Variants in ZNF562 observed in about 807,000 individuals in gnomAD.
ZNF562 encodes zinc finger protein 562.
A neutral mutation model predicts 17.5 loss-of-function variants in ZNF562; 13 were observed. That is an observed-to-expected ratio of 0.74 (90% CI 0.48 to 1.18). The LOEUF (loss-of-function observed/expected upper bound fraction) is 1.18. Ranked by LOEUF, ZNF562 falls within the 50% of genes most tolerant of loss-of-function variation. The pLI is 0.00. For missense variants in ZNF562, 481 were observed against 498.5 expected (o/e 0.96, Z 0.33); for synonymous variants, 163 against 165.4 (o/e 0.99, Z 0.11).
At position 9,647,803 on chromosome 19, in the gene ZNF562, A is replaced by G. The variant is rs971973240; in HGVS notation, c.*5146T>C. The G allele has an allele frequency of 2.0e-5, 3 of 152,230 alleles. No homozygotes were observed. Among genetic ancestry groups the G allele is most frequent in the East Asian group, 3.8e-4 (2 of 5,208 alleles). The allele number at this position is 152,230 out of a possible 1,614,324, so 9.4% of individuals were successfully genotyped here. On this transcript the variant is annotated 3_prime_UTR_variant, in exon 6 of 6. Coordinates refer to ENST00000453372, the MANE Select transcript of ZNF562 (RefSeq NM_001130031.2). ...GAGGTGGAATTTGCAGTAAGTTGAG[A>G]TCACACCATTGCACTCCAGCCTGGG...
chr19:9,673,382 G>A (rs2044274228), intron 1 of ZNF562, among the ~76,000 whole-genome samples: 1 of 152,018 alleles, frequency 6.6e-6, no homozygotes, highest in Non-Finnish European at 1.5e-5. Context: ...CCTGAGTGCT[G>A]GTTTCACTTT....
chr19:9,666,445 T>C (rs2043964187), intron 1 of ZNF562, among the ~76,000 whole-genome samples: 1 of 150,602 alleles, frequency 6.6e-6, no homozygotes, highest in South Asian at 2.1e-4. Flanking sequence ...AACACATACA[T>C]CAAAAAAGTA....
In ZNF562 at chr19:9,646,350, A is replaced by G. The variant is rs977956398; in HGVS notation, c.*6599T>C. On this transcript the variant is annotated 3_prime_UTR_variant, in exon 6 of 6. Coordinates refer to ENST00000453372, the MANE Select transcript of ZNF562 (RefSeq NM_001130031.2). ...CTCCCAAAGTGCTGTGATTACAGACATCAGCCACTATGCCCAGCGGTATAC... is the reference window on the plus strand; with the variant it reads ...CTCCCAAAGTGCTGTGATTACAGACGTCAGCCACTATGCCCAGCGGTATAC... 3.3e-5 allele frequency: 5 copies of G among 152,088 alleles called. No individual in the cohort carries two copies. The highest frequency in any genetic ancestry group is 3.3e-4 in the Admixed American group (5 of 15,276). 9.4% of individuals were successfully genotyped at this position (152,088 alleles called of 1,614,324 possible).
chr19:9,654,970 C>A (rs2043407462), intron 5 of ZNF562, among the ~76,000 whole-genome samples: 1 of 150,888 alleles, frequency 6.6e-6, no homozygotes, highest in Non-Finnish European at 1.5e-5. Flanking sequence ...TCTAATTGTT[C>A]AAAAAAAAAC....
At position 9,649,956 on chromosome 19, in the gene ZNF562, T is replaced by C. The variant is rs568382118; in HGVS notation, c.*2993A>G. ...CTGCCCCGGACACCCAGCTTTAAAA[T>C]TTCTCTCTTTTGTACTCTGTCCCTT... On this transcript the variant is annotated 3_prime_UTR_variant, in exon 6 of 6. Coordinates refer to ENST00000453372, the MANE Select transcript of ZNF562 (RefSeq NM_001130031.2). 6.6e-6 allele frequency: 1 copy of C among 152,258 alleles called. No homozygotes were observed. The highest frequency in any genetic ancestry group is 1.9e-4 in the East Asian group (1 of 5,182). The allele number at this position is 152,258 out of a possible 1,614,324, so 9.4% of individuals were successfully genotyped here. A position where few individuals can be genotyped will look rare whatever the true frequency, so the allele number is the denominator to read the frequency against.
At position 9,649,550 on chromosome 19, in the gene ZNF562, C is replaced by T. The variant is rs894985222; in HGVS notation, c.*3399G>A. 5 of 152,150 alleles carry T rather than the reference C, an allele frequency of 3.3e-5. No individual in the cohort carries two copies. Among genetic ancestry groups the T allele is most frequent in the Non-Finnish European group, 5.9e-5 (4 of 68,022 alleles). 9.4% of individuals were successfully genotyped at this position (152,150 alleles called of 1,614,324 possible). ...GGAGTGGGTCTCTGAACTGGCCCCC[C>T]TGGGTGTAGCCATCTCTTATGGTCG... On this transcript the variant is annotated 3_prime_UTR_variant, in exon 6 of 6. Coordinates refer to ENST00000453372, the MANE Select transcript of ZNF562 (RefSeq NM_001130031.2).
In ZNF562 at chr19:9,669,709, C is replaced by T. The variant is rs571525180; in HGVS notation, c.-131+5306G>A. ...AACTGGCAAGACCTGTCTGCATGCA[C>T]GCGCGCGAGCGCGCGCGCGCGCGCG... On this transcript the variant is annotated intron_variant, in intron 1 of 5. Transcript: ENST00000453372. Among the ~76,000 whole-genome samples the T allele has an allele frequency of 1.8e-3, 146 of 81,336 alleles. 2 individuals are homozygous for T. In the South Asian group the frequency reaches 0.028, roughly 15 times the overall value. The allele number at this position is 81,336 out of a possible 152,430, so 53.4% of individuals were successfully genotyped here.
chr19:9,674,342 G>A (rs915728628), intron 1 of ZNF562, among the ~76,000 whole-genome samples: 5 of 152,202 alleles, frequency 3.3e-5, no homozygotes, highest in South Asian at 2.1e-4. Flanking sequence ...GTTGCTTTAC[G>A]GAGAAGTTTA....
chr19:9,672,356 G>A (rs997479286), intron 1 of ZNF562, among the ~76,000 whole-genome samples: 1 of 152,126 alleles, frequency 6.6e-6, no homozygotes, highest in African/African-American at 2.4e-5. Context: ...TTTAGGAGGT[G>A]CATTACAAAG....
At position 9,649,675 on chromosome 19, in the gene ZNF562, T is replaced by A. The variant is rs1382219007; in HGVS notation, c.*3274A>T. ...AATAAATTTTAGTCAGACCAGTTGATCTCAAAACCGTCTCCTGATAAGATG... is the reference window on the plus strand; with the variant it reads ...AATAAATTTTAGTCAGACCAGTTGAACTCAAAACCGTCTCCTGATAAGATG... On this transcript the variant is annotated 3_prime_UTR_variant, in exon 6 of 6. Transcript: ENST00000453372. 6.6e-6 allele frequency: 1 copy of A among 152,146 alleles called. No homozygotes were observed. Among genetic ancestry groups the A allele is most frequent in the Non-Finnish European group, 1.5e-5 (1 of 68,028 alleles). 9.4% of individuals were successfully genotyped at this position (152,146 alleles called of 1,614,324 possible).
chr19:9,671,632 A>G (rs1447375849), intron 1 of ZNF562, among the ~76,000 whole-genome samples: 1 of 152,242 alleles, frequency 6.6e-6, no homozygotes, highest in African/African-American at 2.4e-5. Context: ...GAGCAATTTC[A>G]GGCTGCAATG....
At chr19:9,659,969 A>C (rs2043669492) in intron 2 of ZNF562, among the ~76,000 whole-genome samples, 4 of 129,972 alleles carry the variant, frequency 3.1e-5, no homozygotes, top group Middle Eastern at 3.8e-3. Flanking sequence ...AAAAAAAAAA[A>C]AAAAAAAAAC....
At chr19:9,666,467 A>C (rs528504833) in intron 1 of ZNF562, among the ~76,000 whole-genome samples, 4 of 152,234 alleles carry the variant, frequency 2.6e-5, no homozygotes, top group African/African-American at 9.6e-5. Context: ...AAAAATTTAA[A>C]ATAAACCTAA....
intron 1 of ZNF562, among the ~76,000 whole-genome samples, chr19:9,672,848 C>T (rs1002354816): frequency 8.2e-5 from 12 of 146,900 alleles, no homozygotes; most frequent in Admixed American, 6.9e-5. Flanking sequence ...GGCGGGATCT[C>T]GGCTCAATGC....
intron 4 of ZNF562, 147 bp downstream of exon 4, chr19:9,657,862 G>C: frequency 8.5e-7 from 1 of 1,172,044 alleles, no homozygotes; most frequent in Non-Finnish European, 1.1e-6. Flanking sequence ...TTTATTCTTA[G>C]GATTTTTTTT....
Position 9,642,160 on chromosome 19 carries a change from G to C in ZNF562, c.*10789C>G, listed in dbSNP as rs2074776113. The C allele has an allele frequency of 6.6e-6, 1 of 151,718 alleles. No homozygotes were observed. Among genetic ancestry groups the C allele is most frequent in the African/African-American group, 2.4e-5 (1 of 41,260 alleles). The allele number at this position is 151,718 out of a possible 1,614,324, so 9.4% of individuals were successfully genotyped here. A position where few individuals can be genotyped will look rare whatever the true frequency, so the allele number is the denominator to read the frequency against. The stretch of plus-strand genomic sequence containing the variant: ...TGTATCTTATAAAGTACATTCACAA[G>C]GGCAGGGGAATATCACAAAGTACAT... On this transcript the variant is annotated 3_prime_UTR_variant, in exon 6 of 6. Coordinates refer to ENST00000453372, the MANE Select transcript of ZNF562 (RefSeq NM_001130031.2).
intron 1 of ZNF562, among the ~76,000 whole-genome samples, chr19:9,671,729 A>G (rs1169339858): frequency 2.0e-5 from 3 of 152,216 alleles, no homozygotes; most frequent in Non-Finnish European, 4.4e-5. Context: ...TATTTATTGG[A>G]AGCCTCCGGC....
Position 9,656,555 on chromosome 19 carries a change from T to A in ZNF562, c.340A>T (p.Ile114Leu). ...TCCCTCATGAATCTTACCATTTGTA[T>A]CCCAGTGAATATTTGATTCTTCAAA... The part of the protein sequence containing the change: ...GFLKNQIFTG[I>L]QMQTRSYSGW... Residue 114 changes from isoleucine (I) to leucine (L), a missense_variant, in exon 5 of 6, where the codon ATA becomes TTA. Around this residue, in one of 2 missense-constraint regions of ZNF562, gnomAD observed 403 missense variants for 386.4 expected, o/e 1.04. Transcript: ENST00000453372. 6.2e-7 allele frequency: 1 copy of A among 1,613,452 alleles called. No homozygotes were observed. Among genetic ancestry groups the A allele is most frequent in the Non-Finnish European group, 8.5e-7 (1 of 1,179,810 alleles).
intron 1 of ZNF562, among the ~76,000 whole-genome samples, chr19:9,669,794 G>A (rs1175924694): frequency 1.4e-5 from 2 of 147,092 alleles, no homozygotes; most frequent in Non-Finnish European, 1.5e-5. Context: ...AGGGACAGTA[G>A]CTCATGCCTG....
Sources: allele counts gnomAD v4.1 joint callset (sites outside exome capture counted in the v4.1 genomes callset), GRCh38; gene constraint gnomAD v4.1.1; regional missense constraint gnomAD v4.1.1; transcripts MANE v1.5; gene names NCBI Gene and HGNC (gene_info 2026-07-23, HGNC 2026-07-21).